The following CS variants were observed in gnomAD, a reference collection of about 807,000 sequenced individuals.
CS encodes citrate synthase, mitochondrial.
Under a neutral mutation model 61.4 loss-of-function variants are expected in CS, and 13 were observed. The ratio of observed to expected loss-of-function variants is 0.21; its 90% confidence interval spans 0.14 to 0.34. The LOEUF (loss-of-function observed/expected upper bound fraction) is 0.34. Among genes scored for constraint, CS ranks in the 10% least tolerant of loss-of-function variants. The pLI is 1.00. For synonymous variants in CS, 159 were observed against 215.2 expected (o/e 0.74, Z 2.29); for missense variants, 278 against 573.4 (o/e 0.48, Z 5.26).
chr12:56,284,855 C>T (rs1477544970), intron 3 of CS, among the ~76,000 whole-genome samples: 37 of 145,194 alleles, frequency 2.5e-4, no homozygotes, highest in Non-Finnish European at 4.3e-4. Flanking sequence ...GCCGAGATCA[C>T]GTCACTGTAC....
At chr12:56,281,073 T>C (rs2135914749) in intron 6 of CS, among the ~76,000 whole-genome samples, 1 of 152,342 alleles carries the variant, frequency 6.6e-6, no homozygotes, top group Middle Eastern at 3.4e-3. Context: ...CTCTTCTGTG[T>C]CTTGCACCAC....
chr12:56,288,346 ATTTTTTTTTT>A (rs1164867172), intron 1 of CS, among the ~76,000 whole-genome samples: 1 of 123,164 alleles, frequency 8.1e-6, no homozygotes, highest in Admixed American at 8.5e-5. Flanking sequence ...GCTTTTTAGA[ATTTTTTTTTT>A]TTTTTTTTTT....
intron 1 of CS, among the ~76,000 whole-genome samples, chr12:56,288,527 A>G (rs1351208991): frequency 6.6e-5 from 10 of 151,198 alleles, no homozygotes; most frequent in Admixed American, 6.6e-4. Flanking sequence ...GTAGAGACAG[A>G]GTTTCATCAT....
At chr12:56,273,977 G>A (rs542448680) in intron 9 of CS, 181 bp from the exon 10 acceptor site, 2 of 598,876 alleles carry the variant, frequency 3.3e-6, no homozygotes, top group African/African-American at 1.9e-5. Flanking sequence ...GGGACCACAG[G>A]TGCACACCAA....
chr12:56,296,900 A>G lies in CS; in HGVS notation c.42+3260T>C, dbSNP rs1168543052. Among the ~76,000 whole-genome samples the G allele has an allele frequency of 9.8e-5, 15 of 152,286 alleles. No individual in the cohort carries two copies. In the East Asian group the frequency reaches 2.5e-3, roughly 25 times the overall value. On this transcript the variant is annotated intron_variant, in intron 1 of 10. Transcript: ENST00000351328. ...TGAGGGCACAGAGATATGAGCCCTT[A>G]CCTTTAAAAAATTTGGGCTTTAAAA...
At chr12:56,288,183 A>AG in intron 1 of CS, among the ~76,000 whole-genome samples, 1 of 152,168 alleles carries the variant, frequency 6.6e-6, no homozygotes, top group Admixed American at 6.5e-5. Context: ...TTGCAGACTT[A>AG]GAAGATTACA....
Position 56,272,866 on chromosome 12 carries a change from A to G in CS, c.*218T>C. ...GTCATCCTCCAGGACCATGCGTATG[A>G]TGGGCAACTCATACCAGGCAGGGGA... On this transcript the variant is annotated 3_prime_UTR_variant, in exon 11 of 11. Coordinates refer to ENST00000351328, the MANE Select transcript of CS (RefSeq NM_004077.3). 1 of 497,478 alleles carries G rather than the reference A, an allele frequency of 2.0e-6. No homozygotes were observed. Among genetic ancestry groups the G allele is most frequent in the Non-Finnish European group, 3.6e-6 (1 of 277,808 alleles). The allele number at this position is 497,478 out of a possible 1,614,324, so 30.8% of individuals were successfully genotyped here.
intron 5 of CS, 80 bp downstream of exon 5, chr12:56,282,780 A>T: frequency 6.3e-6 from 10 of 1,588,238 alleles, no homozygotes; most frequent in Non-Finnish European, 7.8e-6. Context: ...TAAATGCCGG[A>T]TCAGCATTAA....
Position 56,272,202 on chromosome 12 carries a change from C to A in CS, c.*882G>T. The A allele has an allele frequency of 8.7e-6, 2 of 230,246 alleles. No homozygotes were observed. Among genetic ancestry groups the A allele is most frequent in the Non-Finnish European group, 1.8e-5 (2 of 113,248 alleles). 14.3% of individuals were successfully genotyped at this position (230,246 alleles called of 1,614,324 possible). The stretch of plus-strand genomic sequence containing the variant: ...CATTCCGGAGTTCTATGCCCCACAG[C>A]ATATTAAAAGATGGGGGTTGGTGGG... On this transcript the variant is annotated 3_prime_UTR_variant, in exon 11 of 11. Transcript: ENST00000351328.
chr12:56,290,157 A>G (rs1873072766), intron 1 of CS, among the ~76,000 whole-genome samples: 1 of 151,936 alleles, frequency 6.6e-6, no homozygotes, highest in Non-Finnish European at 1.5e-5. Context: ...CAGCCTCCCA[A>G]AGTGCTGGGA....
intron 1 of CS, among the ~76,000 whole-genome samples, chr12:56,289,064 C>T (rs1873033353): frequency 6.6e-6 from 1 of 152,134 alleles, no homozygotes; most frequent in African/African-American, 2.4e-5. Context: ...AACTTGTTAC[C>T]AGGGCTGTCC....
chr12:56,273,185 C>T lies in CS; in HGVS notation c.1300G>A (p.Ala434Thr). ...FGVSRALGVL[A>T]QLIWSRALGF... is the part of the protein sequence containing the mutation. ...AAGGCTCGGCTCCAGATGAGCTGTG[C>T]CAGTACACCCAATGCTCGTGACACC... Residue 434 changes from alanine to threonine, a missense_variant, in exon 11 of 11, where the codon GCA becomes ACA. Coordinates refer to ENST00000351328, the MANE Select transcript of CS (RefSeq NM_004077.3). The T allele has an allele frequency of 6.2e-7, 1 of 1,613,926 alleles. No individual in the cohort carries two copies. Among genetic ancestry groups the T allele is most frequent in the Non-Finnish European group, 8.5e-7 (1 of 1,179,800 alleles).
At chr12:56,273,387 A>G (rs1170656808) in intron 10 of CS, 133 bp from the exon 11 acceptor site, 1 of 1,045,286 alleles carries the variant, frequency 9.6e-7, no homozygotes, top group Non-Finnish European at 1.4e-6. Flanking sequence ...CCTTAAATAG[A>G]AATGACACTG....
At chr12:56,287,354 C>G (rs1295677110) in intron 1 of CS, among the ~76,000 whole-genome samples, 1 of 151,676 alleles carries the variant, frequency 6.6e-6, no homozygotes, top group Non-Finnish European at 1.5e-5. Flanking sequence ...TATGGGCAGG[C>G]AGCTGTAATC....
intron 3 of CS, 21 bp from the exon 4 acceptor site, chr12:56,283,878 AG>A (rs766661080): frequency 3.2e-6 from 5 of 1,586,184 alleles, no homozygotes; most frequent in Non-Finnish European, 3.5e-6. Context: ...TGAAGAAAGA[AG>A]GAAAAAAAAA....
chr12:56,299,938 G>C (rs1445256324), intron 1 of CS: 1 of 493,570 alleles, frequency 2.0e-6, no homozygotes, highest in Non-Finnish European at 3.6e-6. Flanking sequence ...GTTCTGGACT[G>C]CGGGCCGAGG....
At position 56,300,322 on chromosome 12, in the gene CS, G is replaced by T. The variant is rs1389334292; in HGVS notation, c.-121C>A. On this transcript the variant is annotated 5_prime_UTR_variant, in exon 1 of 11. Transcript: ENST00000351328. ...CGGGTTGACAAGGTTGAAAGGAGGCGGCTGAAGGAAAGAGTAGACGAACCG... is the reference window on the plus strand; with the variant it reads ...CGGGTTGACAAGGTTGAAAGGAGGCTGCTGAAGGAAAGAGTAGACGAACCG... 1 of 1,129,152 alleles carries T rather than the reference G, an allele frequency of 8.9e-7. No homozygotes were observed. Among genetic ancestry groups the T allele is most frequent in the South Asian group, 1.4e-5 (1 of 71,754 alleles). The allele number at this position is 1,129,152 out of a possible 1,614,324, so 69.9% of individuals were successfully genotyped here. A position where few individuals can be genotyped will look rare whatever the true frequency, so the allele number is the denominator to read the frequency against.
intron 7 of CS, 59 bp from the exon 8 acceptor site, chr12:56,275,190 T>G: frequency 6.2e-7 from 1 of 1,607,786 alleles, no homozygotes; most frequent in Non-Finnish European, 8.5e-7. Context: ...TTATGGAAAC[T>G]TTGCTGTTCT....
At chr12:56,288,482 C>G (rs1873013690) in intron 1 of CS, among the ~76,000 whole-genome samples, 1 of 151,140 alleles carries the variant, frequency 6.6e-6, no homozygotes, top group South Asian at 2.1e-4. Context: ...ATTATAGGCA[C>G]ACGCCACCAT....
Sources: gnomAD v4.1 joint callset for allele counts (sites outside exome capture counted in the v4.1 genomes callset) on GRCh38, gnomAD v4.1.1 for gene constraint, MANE v1.5 for transcripts, NCBI Gene and HGNC (gene_info 2026-07-23, HGNC 2026-07-21) for gene names.